FRMPD4: variants seen among roughly 807,000 people sequenced by gnomAD.
FRMPD4 encodes the protein FERM and PDZ domain-containing protein 4.
Under a neutral mutation model 94.1 loss-of-function variants are expected in FRMPD4, and 22 were observed. The observed-to-expected ratio is 0.23, with a 90% CI of 0.17 to 0.33. The LOEUF is 0.33. Among genes scored for constraint, FRMPD4 ranks in the 10% least tolerant of loss-of-function variants. The probability of loss-of-function intolerance (pLI) is 1.00; values close to 1 mark genes in which losing one functional copy is unlikely to be tolerated. For synonymous variants in FRMPD4, 631 were observed against 548.6 expected (o/e 1.15, Z -2.10); for missense variants, 1,111 against 1,339.9 (o/e 0.83, Z 2.67).
At chrX:12,033,769 C>T (rs2054705001) in intron 3 of FRMPD4, among the ~76,000 whole-genome samples, 1 of 112,094 alleles carries the variant, frequency 8.9e-6, no homozygotes, top group African/African-American at 3.2e-5. Flanking sequence ...ACAATCTCGG[C>T]TCACTGCAAC....
intron 3 of FRMPD4, among the ~76,000 whole-genome samples, chrX:12,068,900 A>G (rs1448245997): frequency 8.9e-6 from 1 of 112,435 alleles, no homozygotes; most frequent in Non-Finnish European, 1.9e-5. Flanking sequence ...GAAAAAATAA[A>G]CTTTCTGCTC....
intron 4 of FRMPD4, among the ~76,000 whole-genome samples, chrX:12,642,613 T>C (rs1272208747): frequency 8.8e-6 from 1 of 113,022 alleles, no homozygotes; most frequent in Admixed American, 9.3e-5. Context: ...TATTGAAATA[T>C]AGCCACCACT....
chrX:12,458,704 G>A (rs1327197242), intron 1 of FRMPD4, among the ~76,000 whole-genome samples: 1 of 111,373 alleles, frequency 9.0e-6, no homozygotes, highest in Non-Finnish European at 1.9e-5. Context: ...GGCAGGTCAG[G>A]GCCAGCTCAG....
chrX:12,047,516 GA>G (rs758659931), intron 3 of FRMPD4, among the ~76,000 whole-genome samples: 2 of 111,499 alleles, frequency 1.8e-5, no homozygotes, highest in Non-Finnish European at 3.8e-5. Flanking sequence ...TTTTATTTTA[GA>G]TTCAGATTCA....
chrX:12,643,621 T>G (rs886497173), intron 4 of FRMPD4, among the ~76,000 whole-genome samples: 21 of 111,602 alleles, frequency 1.9e-4, no homozygotes, highest in African/African-American at 6.5e-4. Context: ...TCAGTAGGAT[T>G]TAGCATTGTA....
chrX:12,193,774 G>GAAA (rs748805072), intron 1 of FRMPD4, among the ~76,000 whole-genome samples: 2,238 of 23,323 alleles, frequency 0.096, 124 homozygotes, highest in Middle Eastern at 0.15. Context: ...AAGAAAGAAA[G>GAAA]GAAGGAAGGA....
intron 1 of FRMPD4, among the ~76,000 whole-genome samples, chrX:12,494,601 G>GGCTCC: frequency 9.0e-6 from 1 of 111,385 alleles, no homozygotes; most frequent in East Asian, 2.8e-4. Context: ...AGGCCTCCAG[G>GGCTCC]TGGCTCCTGA....
intron 3 of FRMPD4, among the ~76,000 whole-genome samples, chrX:12,090,573 G>A (rs919213478): frequency 1.8e-5 from 2 of 110,812 alleles, no homozygotes; most frequent in South Asian, 3.8e-4. Flanking sequence ...GATACAGTGA[G>A]GCTCCTGGGC....
chrX:12,347,825 T>A (rs1257198281), intron 1 of FRMPD4, among the ~76,000 whole-genome samples: 1 of 111,645 alleles, frequency 9.0e-6, no homozygotes, highest in Non-Finnish European at 1.9e-5. Flanking sequence ...CTTAGTTTTA[T>A]TTTTTAATTT....
chrX:12,497,745 T>C (rs2057867775), intron 1 of FRMPD4, among the ~76,000 whole-genome samples: 1 of 111,638 alleles, frequency 9.0e-6, no homozygotes. Context: ...ATAGTTCATC[T>C]GCAGAAAACA....
intron 1 of FRMPD4, among the ~76,000 whole-genome samples, chrX:12,409,236 A>G (rs1466509240): frequency 8.9e-6 from 1 of 111,809 alleles, no homozygotes; most frequent in African/African-American, 3.2e-5. Context: ...GGGTGATTTT[A>G]CCATCTTTGT....
chrX:12,681,448 G>A (rs780916648), intron 5 of FRMPD4, among the ~76,000 whole-genome samples: 1 of 112,272 alleles, frequency 8.9e-6, no homozygotes, highest in Non-Finnish European at 1.9e-5. Context: ...TAAAAGTCAC[G>A]TTGAGCATGT....
intron 2 of FRMPD4, among the ~76,000 whole-genome samples, chrX:12,599,981 T>G (rs959370136): frequency 1.8e-5 from 2 of 111,698 alleles, no homozygotes; most frequent in African/African-American, 6.5e-5. Context: ...TTGCTATCAC[T>G]GCTGCATTAA....
chrX:12,366,198 T>G (rs745677162), intron 1 of FRMPD4, among the ~76,000 whole-genome samples: 13 of 111,959 alleles, frequency 1.2e-4, no homozygotes, highest in Non-Finnish European at 2.1e-4. Flanking sequence ...TGCGAGGTCA[T>G]TTCAATGAAG....
chrX:12,474,135 A>C (rs1405127636), intron 1 of FRMPD4, among the ~76,000 whole-genome samples: 2 of 110,570 alleles, frequency 1.8e-5, no homozygotes, highest in East Asian at 5.5e-4. Flanking sequence ...CAGTGCAATC[A>C]AACTAGAACT....
chrX:12,488,197 C>A (rs1004300953), intron 1 of FRMPD4, among the ~76,000 whole-genome samples: 1 of 111,394 alleles, frequency 9.0e-6, no homozygotes, highest in Non-Finnish European at 1.9e-5. Context: ...GATAGCAAGC[C>A]AAACTCAAAC....
At chrX:11,908,051 C>T (rs1396205707) in intron 3 of FRMPD4, among the ~76,000 whole-genome samples, 3 of 110,670 alleles carry the variant, frequency 2.7e-5, no homozygotes, top group Non-Finnish European at 5.7e-5. Context: ...CTTCTCCCAG[C>T]TTCCTGTGGG....
At chrX:12,161,760 C>A (rs2056029508) in intron 1 of FRMPD4, among the ~76,000 whole-genome samples, 1 of 111,740 alleles carries the variant, frequency 8.9e-6, no homozygotes, top group South Asian at 3.8e-4. Context: ...AATGCCATCT[C>A]TCTTACGATA....
At chrX:12,041,849 T>G (rs1271094176) in intron 3 of FRMPD4, among the ~76,000 whole-genome samples, 1 of 111,939 alleles carries the variant, frequency 8.9e-6, no homozygotes. Context: ...TTCTATTTTT[T>G]AAATTGGATA....
Sources: gnomAD v4.1 joint callset for allele counts (sites outside exome capture counted in the v4.1 genomes callset) on GRCh38, gnomAD v4.1.1 for gene constraint, MANE v1.5 for transcripts, NCBI Gene and HGNC (gene_info 2026-07-23, HGNC 2026-07-21) for gene names.